ZPBP: variants seen among roughly 807,000 people sequenced by gnomAD.
ZPBP encodes the protein zona pellucida binding protein, also known as zona pellucida-binding protein 1.
A neutral mutation model predicts 44.8 loss-of-function variants in ZPBP; 26 were observed. The ratio of observed to expected loss-of-function variants is 0.58; its 90% CI spans 0.43 to 0.81. The LOEUF (loss-of-function observed/expected upper bound fraction) is 0.81. Ranked by LOEUF, ZPBP falls within the 30% of genes least tolerant of loss-of-function variation. The pLI, the probability that ZPBP is intolerant of heterozygous loss-of-function variation, is 0.00. For synonymous variants in ZPBP, 174 were observed against 153.2 expected (o/e 1.14, Z -1.00); for missense variants, 409 against 434.0 (o/e 0.94, Z 0.51).
intron 2 of ZPBP, among the ~76,000 whole-genome samples, chr7:49,880,601 T>A (rs990095511): frequency 6.6e-6 from 1 of 150,994 alleles, no homozygotes; most frequent in African/African-American, 2.5e-5. Flanking sequence ...TTATTTATTT[T>A]TTAATTATAC....
At chr7:49,862,016 T>C (rs1790669552) in intron 2 of ZPBP, among the ~76,000 whole-genome samples, 2 of 152,194 alleles carry the variant, frequency 1.3e-5, no homozygotes, top group South Asian at 4.1e-4. Flanking sequence ...CCATAAAAAA[T>C]GGTTGTTGGA....
At chr7:49,991,915 G>A (rs1411744318) in intron 6 of ZPBP, among the ~76,000 whole-genome samples, 2 of 151,948 alleles carry the variant, frequency 1.3e-5, no homozygotes, top group Non-Finnish European at 2.9e-5. Flanking sequence ...AGGGAAGAAA[G>A]AGAGGGAAAG....
chr7:49,967,019 G>A (rs1195054047), intron 7 of ZPBP, among the ~76,000 whole-genome samples: 2 of 152,046 alleles, frequency 1.3e-5, no homozygotes, highest in East Asian at 3.9e-4. Flanking sequence ...GACTAAAAGA[G>A]CTACTTGGCC....
At chr7:49,854,954 A>C (rs1790354891) in intron 2 of ZPBP, among the ~76,000 whole-genome samples, 2 of 152,232 alleles carry the variant, frequency 1.3e-5, no homozygotes, top group South Asian at 4.1e-4. Context: ...AGAGGGGCTG[A>C]CAAATATGGC....
intron 1 of ZPBP, among the ~76,000 whole-genome samples, chr7:49,923,880 T>G (rs1299582547): frequency 1.3e-5 from 2 of 152,152 alleles, no homozygotes; most frequent in Non-Finnish European, 2.9e-5. Context: ...TCCCAGCACT[T>G]TGGGAGGCCA....
intron 2 of ZPBP, among the ~76,000 whole-genome samples, chr7:49,893,132 T>C (rs1792216004): frequency 6.6e-6 from 1 of 152,238 alleles, no homozygotes; most frequent in Non-Finnish European, 1.5e-5. Context: ...TGAGAATACT[T>C]TAGCCTTTAA....
chr7:49,988,677 T>G (rs1225964401), intron 6 of ZPBP, among the ~76,000 whole-genome samples: 2 of 152,196 alleles, frequency 1.3e-5, no homozygotes, highest in Non-Finnish European at 2.9e-5. Context: ...CTTCAAAGGA[T>G]GGTCTATAAT....
At chr7:49,935,032 G>A (rs1794574441), downstream of ZPBP, among the ~76,000 whole-genome samples, 1 of 151,946 alleles carries the variant, frequency 6.6e-6, no homozygotes, top group African/African-American at 2.4e-5. Context: ...AATCTCTCAG[G>A]GATTCATGTA....
intron 1 of ZPBP, among the ~76,000 whole-genome samples, chr7:49,928,340 T>G (rs1794320617): frequency 6.6e-6 from 1 of 152,204 alleles, no homozygotes; most frequent in Non-Finnish European, 1.5e-5. Flanking sequence ...TCCAATCTTA[T>G]TCCTTCTATG....
chr7:49,959,700 A>G (rs1277719328), intron 7 of ZPBP, among the ~76,000 whole-genome samples: 1 of 152,200 alleles, frequency 6.6e-6, no homozygotes, highest in Non-Finnish European at 1.5e-5. Flanking sequence ...GAGTCAATGA[A>G]ATCAATTCAA....
In ZPBP at chr7:49,905,767, C is replaced by T. The variant is rs559146157; in HGVS notation, n.412-4552G>A. Among the ~76,000 whole-genome samples, 16 of 149,716 alleles carry T rather than the reference C, an allele frequency of 1.1e-4. No individual in the cohort carries two copies. The East Asian group carries it at 1.6e-3, about 15-fold the overall frequency. Reference sequence around the variant, plus strand: ...TCTAAGTCACGAGATAGGATGTTGGCGCAAGAAAGAGGTCGGCTCAAGAAA... The same window carrying T: ...TCTAAGTCACGAGATAGGATGTTGGTGCAAGAAAGAGGTCGGCTCAAGAAA... On this transcript the variant is annotated intron_variant and non_coding_transcript_variant, in intron 1 of 2. Transcript: ENST00000465922.
chr7:49,907,548 A>ATT (rs1793172327), intron 1 of ZPBP, among the ~76,000 whole-genome samples: 1 of 152,236 alleles, frequency 6.6e-6, no homozygotes. Context: ...AAAGAGATTT[A>ATT]TTCTGAGCCA....
intron 1 of ZPBP, among the ~76,000 whole-genome samples, chr7:49,905,444 T>C (rs547224103): frequency 1.3e-5 from 2 of 152,338 alleles, no homozygotes; most frequent in East Asian, 1.9e-4. Flanking sequence ...TTGGTAAATA[T>C]TCGTTTTTCA....
intron 6 of ZPBP, among the ~76,000 whole-genome samples, chr7:50,009,159 C>T (rs979752342): frequency 2.7e-5 from 4 of 150,196 alleles, no homozygotes; most frequent in Non-Finnish European, 4.4e-5. Context: ...ATCACTTGAA[C>T]CTGCTAGGTG....
intron 4 of ZPBP, among the ~76,000 whole-genome samples, chr7:50,050,271 G>A (rs1562871331): frequency 6.6e-6 from 1 of 151,958 alleles, no homozygotes; most frequent in African/African-American, 2.4e-5. Flanking sequence ...TATATGGAAA[G>A]GGACAGACAT....
chr7:49,866,094 C>T (rs1400133627), intron 2 of ZPBP, among the ~76,000 whole-genome samples: 1 of 152,156 alleles, frequency 6.6e-6, no homozygotes, highest in Non-Finnish European at 1.5e-5. Flanking sequence ...CGGTTTCATT[C>T]TTCCATCCAG....
chr7:50,084,021 T>A (rs1046735739), intron 2 of ZPBP, among the ~76,000 whole-genome samples: 1 of 152,018 alleles, frequency 6.6e-6, no homozygotes, highest in South Asian at 2.1e-4. Context: ...AATTTGACTG[T>A]AGGGAGAGGA....
chr7:49,937,291 A>G, downstream of ZPBP: 2 of 444,278 alleles, frequency 4.5e-6, no homozygotes, highest in South Asian at 2.7e-5. Context: ...ATTTGAAACT[A>G]TTTTTAAAAT....
Position 50,090,558 on chromosome 7 carries a change from T to C in ZPBP, c.128-849A>G, listed in dbSNP as rs182862896. Among the ~76,000 whole-genome samples the C allele has an allele frequency of 2.1e-4, 32 of 151,884 alleles. No homozygotes were observed. In the East Asian group the frequency reaches 4.4e-3, roughly 21 times the overall value. On this transcript the variant is annotated intron_variant, in intron 1 of 7. Coordinates refer to ENST00000046087, the MANE Select transcript of ZPBP (RefSeq NM_007009.3). Reference sequence around the variant, plus strand: ...GTGTGTATATATGTGTGCATATATATGCATATATATGTGTATATATTTGTG... The same window carrying C: ...GTGTGTATATATGTGTGCATATATACGCATATATATGTGTATATATTTGTG...
Sources: gnomAD v4.1 joint callset for allele counts (sites outside exome capture counted in the v4.1 genomes callset) on GRCh38, gnomAD v4.1.1 for gene constraint, MANE v1.5 for transcripts, NCBI Gene and HGNC (gene_info 2026-07-23, HGNC 2026-07-21) for gene names.